Variants in SLC4A4 observed in about 807,000 individuals in gnomAD.
The protein encoded by SLC4A4 is solute carrier family 4 member 4, also known as electrogenic sodium bicarbonate cotransporter 1.
In SLC4A4, 27 loss-of-function variants were observed where a neutral mutation model predicts 111.5. That is an observed-to-expected ratio of 0.24 (90% CI 0.18 to 0.33). SLC4A4 has a LOEUF of 0.33. SLC4A4 is among the 10% of genes least tolerant of loss of function. SLC4A4 has a pLI of 1.00. For missense variants in SLC4A4, 909 were observed against 1,315.5 expected (o/e 0.69, Z 4.78); for synonymous variants, 443 against 463.4 (o/e 0.96, Z 0.57).
At chr4:71,534,544 A>G (rs984818023) in intron 18 of SLC4A4, among the ~76,000 whole-genome samples, 156 bp downstream of exon 18, 3 of 151,976 alleles carry the variant, frequency 2.0e-5, no homozygotes, top group African/African-American at 4.8e-5. Context: ...GTATTGGTAC[A>G]TGTCTTCAAT....
chr4:71,436,224 A>G (rs528858378), intron 7 of SLC4A4, among the ~76,000 whole-genome samples: 1 of 152,356 alleles, frequency 6.6e-6, no homozygotes, highest in East Asian at 1.9e-4. Flanking sequence ...AATACTATGC[A>G]GCCATAAAAA....
chr4:71,315,994 C>T (rs1024730130), intron 3 of SLC4A4, among the ~76,000 whole-genome samples: 1 of 152,136 alleles, frequency 6.6e-6, no homozygotes, highest in African/African-American at 2.4e-5. Context: ...AAGAAAGATG[C>T]ATTTCTGCCT....
At chr4:71,143,425 T>G (rs1418410727) in intron 2 of SLC4A4, among the ~76,000 whole-genome samples, 1 of 152,178 alleles carries the variant, frequency 6.6e-6, no homozygotes, top group Admixed American at 6.5e-5. Flanking sequence ...GCATGTGTCT[T>G]TATAGCAGCA....
At chr4:71,272,380 A>G (rs934689152) in intron 3 of SLC4A4, among the ~76,000 whole-genome samples, 6 of 152,166 alleles carry the variant, frequency 3.9e-5, no homozygotes, top group Admixed American at 3.3e-4. Flanking sequence ...CATTTTGTAG[A>G]TAAGGAAAGT....
chr4:71,434,138 G>A (rs1723894085), intron 7 of SLC4A4, among the ~76,000 whole-genome samples: 1 of 151,980 alleles, frequency 6.6e-6, no homozygotes, highest in Admixed American at 6.5e-5. Context: ...GAAGGAAATG[G>A]AGTTGGGATG....
intron 2 of SLC4A4, among the ~76,000 whole-genome samples, chr4:71,250,561 A>G (rs1158236315): frequency 6.6e-6 from 1 of 152,202 alleles, no homozygotes; most frequent in Non-Finnish European, 1.5e-5. Flanking sequence ...AGGTTAAAAA[A>G]TTATATACTA....
intron 8 of SLC4A4, among the ~76,000 whole-genome samples, chr4:71,441,944 A>G (rs1724758115): frequency 6.6e-6 from 1 of 152,198 alleles, no homozygotes; most frequent in Non-Finnish European, 1.5e-5. Context: ...GCTTGAAAAC[A>G]TTCCAGCAGA....
chr4:71,173,454 C>T (rs1744999923), intron 2 of SLC4A4, among the ~76,000 whole-genome samples: 1 of 152,186 alleles, frequency 6.6e-6, no homozygotes, highest in Non-Finnish European at 1.5e-5. Context: ...GATCTCAGCT[C>T]ACTGCAACCT....
At chr4:71,227,705 G>T (rs933818338) in intron 1 of SLC4A4, among the ~76,000 whole-genome samples, 1 of 152,162 alleles carries the variant, frequency 6.6e-6, no homozygotes, top group Non-Finnish European at 1.5e-5. Context: ...GGATAAACAT[G>T]CCCGTCGCCA....
At chr4:71,174,900 T>C (rs1344701941) in intron 2 of SLC4A4, among the ~76,000 whole-genome samples, 2 of 152,192 alleles carry the variant, frequency 1.3e-5, no homozygotes, top group Non-Finnish European at 2.9e-5. Flanking sequence ...GAAAATCTTT[T>C]TGTCCTTTTC....
At chr4:71,248,229 G>C (rs554772486) in intron 2 of SLC4A4, among the ~76,000 whole-genome samples, 5 of 152,170 alleles carry the variant, frequency 3.3e-5, no homozygotes, top group African/African-American at 9.6e-5. Context: ...GTGGGAATGA[G>C]AAAAAACTGT....
At position 71,349,372 on chromosome 4, in the gene SLC4A4, G is replaced by A. The variant is rs533805084; in HGVS notation, c.390-540G>A. Among the ~76,000 whole-genome samples, 164 of 152,202 alleles carry A rather than the reference G, an allele frequency of 1.1e-3. 2 individuals are homozygous for A. Among genetic ancestry groups the A allele is most frequent in the African/African-American group, 3.9e-3 (161 of 41,522 alleles). ...ATATTAAAGGAAGACACAACAAAAC[G>A]TGCCGGTCTTCCTTAAGCATCAATA... On this transcript the variant is annotated intron_variant, in intron 4 of 25. Coordinates refer to ENST00000264485, the MANE Select transcript of SLC4A4 (RefSeq NM_001098484.3).
intron 18 of SLC4A4, among the ~76,000 whole-genome samples, chr4:71,534,821 G>A (rs1734268416): frequency 6.6e-6 from 1 of 152,066 alleles, no homozygotes; most frequent in Admixed American, 6.6e-5. Flanking sequence ...AGCTGGTGGT[G>A]TACATCCTGT....
chr4:71,496,851 C>G (rs1310217305), intron 15 of SLC4A4, among the ~76,000 whole-genome samples: 1 of 152,060 alleles, frequency 6.6e-6, no homozygotes, highest in Non-Finnish European at 1.5e-5. Context: ...AAAGGCATCA[C>G]AGCACATACA....
chr4:71,253,839 A>G (rs535046824), intron 2 of SLC4A4, among the ~76,000 whole-genome samples: 13 of 152,272 alleles, frequency 8.5e-5, no homozygotes, highest in Admixed American at 8.5e-4. Flanking sequence ...GTCCTGCTTT[A>G]TGTAAAGATG....
chr4:71,223,832 C>A (rs1718895978), intron 1 of SLC4A4, among the ~76,000 whole-genome samples: 1 of 152,068 alleles, frequency 6.6e-6, no homozygotes, highest in Non-Finnish European at 1.5e-5. Context: ...CCCACAGAAG[C>A]CCGTCTTCAC....
At chr4:71,218,581 T>C (rs1347055137) in intron 1 of SLC4A4, among the ~76,000 whole-genome samples, 1 of 152,206 alleles carries the variant, frequency 6.6e-6, no homozygotes, top group African/African-American at 2.4e-5. Context: ...AAAACAGTAC[T>C]ATTAGCACTA....
At chr4:71,473,021 T>G in intron 14 of SLC4A4, 51 bp downstream of exon 14, 1 of 1,601,398 alleles carries the variant, frequency 6.2e-7, no homozygotes, top group Non-Finnish European at 8.6e-7. Flanking sequence ...TGGAGGAAGG[T>G]GTAGGCTCCA....
At chr4:71,268,322 G>T (rs555377939) in intron 3 of SLC4A4, among the ~76,000 whole-genome samples, 2 of 152,184 alleles carry the variant, frequency 1.3e-5, no homozygotes, top group Admixed American at 1.3e-4. Flanking sequence ...TCATACCCAG[G>T]CCTTTTCTTT....
Sources: allele counts gnomAD v4.1 joint callset (sites outside exome capture counted in the v4.1 genomes callset), GRCh38; gene constraint gnomAD v4.1.1; transcripts MANE v1.5; gene names NCBI Gene and HGNC (gene_info 2026-07-23, HGNC 2026-07-21).